PDE10A: variants seen among roughly 807,000 people sequenced by gnomAD.
The protein encoded by PDE10A is cAMP and cAMP-inhibited cGMP 3',5'-cyclic phosphodiesterase 10A.
In PDE10A, 39 loss-of-function variants were observed where a neutral mutation model predicts 97.7. That is an observed-to-expected ratio of 0.40 (90% confidence interval 0.31 to 0.52). The LOEUF (loss-of-function observed/expected upper bound fraction) is 0.52, where lower values mean the gene tolerates loss of function less well. Among genes scored for constraint, PDE10A ranks in the 20% least tolerant of loss-of-function variants. The pLI, the probability that PDE10A is intolerant of heterozygous loss-of-function variation, is 0.56. For synonymous variants in PDE10A, 371 were observed against 376.8 expected (o/e 0.98, Z 0.18); for missense variants, 731 against 1,047.8 (o/e 0.70, Z 4.17).
intron 1 of PDE10A, among the ~76,000 whole-genome samples, chr6:165,625,280 T>C (rs1788330053): frequency 6.6e-6 from 1 of 152,140 alleles, no homozygotes; most frequent in Non-Finnish European, 1.5e-5. Flanking sequence ...GCCGGGAGGC[T>C]AAGGAGAGGC....
chr6:165,796,333 G>T (rs1263533455), intron 1 of PDE10A, among the ~76,000 whole-genome samples: 1 of 152,072 alleles, frequency 6.6e-6, no homozygotes, highest in African/African-American at 2.4e-5. Context: ...TGATCCGCCC[G>T]CCTCAGCCTC....
Position 165,655,443 on chromosome 6 carries a change from T to A in PDE10A, c.865+6504A>T, listed in dbSNP as rs1036646866. ...ACAGCCCCACCATTTACCCAATCTT[T>A]CCAGCCAAAAACCCAGGCATGGATT... is the stretch of plus-strand genomic sequence containing the variant. On this transcript the variant is annotated intron_variant, in intron 1 of 21. Transcript: ENST00000539869. The surrounding 1 kb of genome is among the most constrained non-coding windows in gnomAD (Gnocchi z 4.5). Among the ~76,000 whole-genome samples the A allele has an allele frequency of 6.6e-5, 10 of 151,998 alleles. No individual in the cohort carries two copies. The highest frequency in any genetic ancestry group is 2.4e-4 in the African/African-American group (10 of 41,386).
rs376802581 is a variant in PDE10A at position 165,673,370 on chromosome 6, G to C, written c.-614-129802C>G. Among the ~76,000 whole-genome samples, 6 of 152,354 alleles carry C rather than the reference G, an allele frequency of 3.9e-5. No homozygotes were observed. The East Asian group carries it at 1.2e-3, about 29-fold the overall frequency. On this transcript the variant is annotated intron_variant, in intron 1 of 19. Transcript: ENST00000366882. ...TCTGACGTACACTATTCCAAAGTGA[G>C]AAAAGCATAGCCATGCAAGATTTTA...
At chr6:165,357,812 C>T (rs966300932) in intron 18 of PDE10A, among the ~76,000 whole-genome samples, 5 of 151,958 alleles carry the variant, frequency 3.3e-5, no homozygotes, top group Non-Finnish European at 7.4e-5. Context: ...ACTGGCATTT[C>T]GAATCTTCCT....
chr6:165,503,529 T>C (rs1004482831), intron 2 of PDE10A, among the ~76,000 whole-genome samples: 1 of 152,020 alleles, frequency 6.6e-6, no homozygotes, highest in Non-Finnish European at 1.5e-5. Context: ...CATCAAGAAA[T>C]AACAGGCCTT....
At chr6:165,525,527 C>T (rs1009190228) in intron 2 of PDE10A, among the ~76,000 whole-genome samples, 1 of 151,432 alleles carries the variant, frequency 6.6e-6, no homozygotes, top group African/African-American at 2.5e-5. Flanking sequence ...TTTAGACCTA[C>T]TCATCCCAGC....
chr6:165,809,418 A>T (rs1262135460), intron 1 of PDE10A, among the ~76,000 whole-genome samples: 1 of 151,916 alleles, frequency 6.6e-6, no homozygotes, highest in African/African-American at 2.4e-5. Context: ...CATCCTCCTC[A>T]CACTGCTCCT....
At chr6:165,953,714 CAT>C (rs1422190212) in intron 1 of PDE10A, among the ~76,000 whole-genome samples, 1 of 152,186 alleles carries the variant, frequency 6.6e-6, no homozygotes, top group Non-Finnish European at 1.5e-5. Flanking sequence ...ACTAGTGTGG[CAT>C]ATCTGTTACA....
intron 1 of PDE10A, among the ~76,000 whole-genome samples, chr6:165,772,271 C>T (rs1778033185): frequency 6.6e-6 from 1 of 152,108 alleles, no homozygotes; most frequent in Non-Finnish European, 1.5e-5. Context: ...AAATGGGATG[C>T]ATGTCCGTTA....
intron 13 of PDE10A, among the ~76,000 whole-genome samples, chr6:165,404,308 G>A (rs1453143986): frequency 6.6e-6 from 1 of 152,118 alleles, no homozygotes; most frequent in Non-Finnish European, 1.5e-5. Context: ...TCCCGGATGT[G>A]AAGGGAAGGT....
At chr6:165,363,367 TA>T (rs945848058) in intron 18 of PDE10A, among the ~76,000 whole-genome samples, 3 of 151,392 alleles carry the variant, frequency 2.0e-5, no homozygotes, top group African/African-American at 7.3e-5. Context: ...ATACAAAAAA[TA>T]GCCAGGCATG....
At chr6:165,361,844 C>T (rs1442010748) in intron 18 of PDE10A, among the ~76,000 whole-genome samples, 2 of 152,010 alleles carry the variant, frequency 1.3e-5, no homozygotes, top group Non-Finnish European at 1.5e-5. Context: ...AGACTTCTGG[C>T]CTTAAGAATT....
intron 1 of PDE10A, among the ~76,000 whole-genome samples, chr6:165,657,036 T>C (rs535758299): frequency 6.6e-6 from 1 of 152,382 alleles, no homozygotes; most frequent in East Asian, 1.9e-4. Context: ...AGATTTATTT[T>C]GGCTTTCATC....
At chr6:165,948,377 C>T (rs1240398463) in intron 1 of PDE10A, 1 of 152,136 alleles carries the variant, frequency 6.6e-6, no homozygotes, top group Admixed American at 6.5e-5. Flanking sequence ...ATTCTCCCTT[C>T]CTGGGGAGGA....
chr6:165,470,430 T>A (rs868420820), intron 3 of PDE10A, among the ~76,000 whole-genome samples: 3 of 152,214 alleles, frequency 2.0e-5, no homozygotes, highest in Non-Finnish European at 4.4e-5. Flanking sequence ...TAAACTTATT[T>A]GCATTTTCAT....
At chr6:165,741,200 T>A (rs1484080425) in intron 1 of PDE10A, among the ~76,000 whole-genome samples, 1 of 152,130 alleles carries the variant, frequency 6.6e-6, no homozygotes, top group Admixed American at 6.5e-5. Context: ...GGTAATAATT[T>A]CACAGTATGT....
chr6:165,724,558 G>C (rs903517192), intron 1 of PDE10A, among the ~76,000 whole-genome samples: 5 of 152,148 alleles, frequency 3.3e-5, no homozygotes, highest in Non-Finnish European at 1.5e-5. Context: ...GCTTCGTCCT[G>C]TCACTTAGAC....
At chr6:165,500,809 G>T (rs1007605023) in intron 2 of PDE10A, among the ~76,000 whole-genome samples, 6 of 152,094 alleles carry the variant, frequency 3.9e-5, no homozygotes, top group Non-Finnish European at 8.8e-5. Context: ...TGTAAAACCC[G>T]ATTGTATGTT....
chr6:165,642,206 G>GC (rs1789169114), intron 1 of PDE10A, among the ~76,000 whole-genome samples: 1 of 152,172 alleles, frequency 6.6e-6, no homozygotes, highest in South Asian at 2.1e-4. Context: ...ATCCATAGGG[G>GC]CTAACACAGT....
Sources: allele counts gnomAD v4.1 joint callset (sites outside exome capture counted in the v4.1 genomes callset), GRCh38; gene constraint gnomAD v4.1.1; non-coding constraint Gnocchi (gnomAD v3.1); transcripts MANE v1.5; gene names NCBI Gene and HGNC (gene_info 2026-07-23, HGNC 2026-07-21).